TBX20: variants seen among roughly 807,000 people sequenced by gnomAD.
The protein encoded by TBX20 is T-box transcription factor TBX20.
Under a neutral mutation model 42.9 loss-of-function variants are expected in TBX20, and 8 were observed. The ratio of observed to expected loss-of-function variants is 0.19; its 90% CI spans 0.11 to 0.34. TBX20 has a LOEUF of 0.34. TBX20 is among the 10% of genes least tolerant of loss of function. The probability of loss-of-function intolerance (pLI) is 1.00; values close to 1 mark genes in which losing one functional copy is unlikely to be tolerated. For synonymous variants in TBX20, 198 were observed against 222.8 expected, an observed-to-expected ratio of 0.89 and a Z score of 0.99; for missense variants, 411 against 566.0, an observed-to-expected ratio of 0.73 and a Z score of 2.78.
chr7:35,210,812 T>C (rs888215713), intron 6 of TBX20, among the ~76,000 whole-genome samples: 4 of 152,182 alleles, frequency 2.6e-5, no homozygotes, highest in African/African-American at 9.6e-5. Context: ...GTAGGCAACA[T>C]ATAATCAGGT....
intron 6 of TBX20, among the ~76,000 whole-genome samples, chr7:35,229,056 C>G (rs1789824919): frequency 6.6e-6 from 1 of 152,170 alleles, no homozygotes; most frequent in South Asian, 2.1e-4. Context: ...TTTAGAGGTA[C>G]AGGCAAACAG....
At chr7:35,235,264 C>T (rs546396060) in intron 5 of TBX20, among the ~76,000 whole-genome samples, 1 of 146,582 alleles carries the variant, frequency 6.8e-6, no homozygotes, top group Non-Finnish European at 1.5e-5. Flanking sequence ...TGTAGTTTTA[C>T]ATCTCTTTAT....
intron 6 of TBX20, among the ~76,000 whole-genome samples, chr7:35,222,975 G>C (rs1462515058): frequency 6.6e-6 from 1 of 152,222 alleles, no homozygotes; most frequent in Non-Finnish European, 1.5e-5. Context: ...AGGCCAATAA[G>C]AGTGGAGGCA....
At chr7:35,223,698 G>A (rs1324205361) in intron 6 of TBX20, among the ~76,000 whole-genome samples, 1 of 152,138 alleles carries the variant, frequency 6.6e-6, no homozygotes, top group African/African-American at 2.4e-5. Context: ...GGTCACTGGT[G>A]ACTTTGACAA....
At chr7:35,241,228 T>G (rs894955308) in intron 4 of TBX20, among the ~76,000 whole-genome samples, 191 bp from the exon 5 acceptor site, 5 of 152,238 alleles carry the variant, frequency 3.3e-5, no homozygotes, top group African/African-American at 1.2e-4. Context: ...GTGAATCACA[T>G]TTTACCAAAA....
chr7:35,248,106 T>A (rs538185855), intron 3 of TBX20, among the ~76,000 whole-genome samples: 4 of 152,196 alleles, frequency 2.6e-5, no homozygotes, highest in Non-Finnish European at 5.9e-5. Context: ...ATTACATTCA[T>A]CCACTAAAAT....
intron 6 of TBX20, among the ~76,000 whole-genome samples, chr7:35,204,994 G>A (rs1789376723): frequency 6.6e-6 from 1 of 152,142 alleles, no homozygotes; most frequent in African/African-American, 2.4e-5. Context: ...CAAATACTCA[G>A]TTGATACAAA....
At chr7:35,232,215 T>G (rs1292972205) in intron 5 of TBX20, among the ~76,000 whole-genome samples, 1 of 152,200 alleles carries the variant, frequency 6.6e-6, no homozygotes, top group East Asian at 1.9e-4. Flanking sequence ...CCATGAAATG[T>G]TATTTATAAA....
Position 35,224,489 on chromosome 7 carries a change from A to G in TBX20, c.890+7015T>C, listed in dbSNP as rs113605499. On this transcript the variant is annotated intron_variant, in intron 6 of 7. Coordinates refer to ENST00000408931, the MANE Select transcript of TBX20 (RefSeq NM_001077653.2). ...GGAGTTCAAGACCAGACTGACCAACATGGAGAAACTCTGTCTCTACTAAAA... is the reference window on the plus strand; with the variant it reads ...GGAGTTCAAGACCAGACTGACCAACGTGGAGAAACTCTGTCTCTACTAAAA... 5.4e-4 allele frequency among the ~76,000 whole-genome samples: 82 copies of G among 152,360 alleles called. 1 individual carries two copies. The highest frequency in any genetic ancestry group is 1.7e-3 in the African/African-American group (71 of 41,592).
intron 3 of TBX20, among the ~76,000 whole-genome samples, chr7:35,246,104 C>T (rs1473872039): frequency 6.6e-6 from 1 of 152,110 alleles, no homozygotes; most frequent in African/African-American, 2.4e-5. Context: ...ATGTAAAGAA[C>T]AAGAAATCTG....
intron 4 of TBX20, 50 bp from the exon 5 acceptor site, chr7:35,241,087 A>C (rs1250743913): frequency 6.4e-7 from 1 of 1,552,668 alleles, no homozygotes; most frequent in Admixed American, 1.7e-5. Flanking sequence ...TATACTGCTA[A>C]ACAGGCCAAA....
chr7:35,209,520 T>C (rs180902158), intron 6 of TBX20, among the ~76,000 whole-genome samples: 163 of 152,276 alleles, frequency 1.1e-3, no homozygotes, highest in Non-Finnish European at 1.9e-3. Context: ...TATTATTCCT[T>C]TCATTCTTGA....
intron 6 of TBX20, among the ~76,000 whole-genome samples, chr7:35,219,244 T>C (rs1366803938): frequency 1.3e-5 from 2 of 152,134 alleles, no homozygotes; most frequent in Non-Finnish European, 2.9e-5. Context: ...AGAAAACTTT[T>C]TTCTGTAAAG....
At chr7:35,239,804 T>G (rs1790039549) in intron 5 of TBX20, among the ~76,000 whole-genome samples, 2 of 152,042 alleles carry the variant, frequency 1.3e-5, no homozygotes. Context: ...CAGGCTGGAG[T>G]GCAGTGGTGA....
intron 1 of TBX20, among the ~76,000 whole-genome samples, chr7:35,252,940 A>C (rs57013969): frequency 0.016 from 2,439 of 152,362 alleles, 65 homozygotes; most frequent in African/African-American, 0.056. Flanking sequence ...ACTGAAAATG[A>C]CGACAGTTAT....
At chr7:35,230,409 T>C (rs1454792919) in intron 6 of TBX20, among the ~76,000 whole-genome samples, 2 of 152,090 alleles carry the variant, frequency 1.3e-5, no homozygotes, top group African/African-American at 2.4e-5. Context: ...TCTCCAACTA[T>C]TTAATCTTTC....
chr7:35,224,828 T>G (rs2128712603), intron 6 of TBX20, among the ~76,000 whole-genome samples: 1 of 152,130 alleles, frequency 6.6e-6, no homozygotes, highest in East Asian at 1.9e-4. Context: ...AAGATAAAAA[T>G]TATTAATTTA....
At position 35,250,514 on chromosome 7, in the gene TBX20, G is replaced by C. The variant is rs113148662; in HGVS notation, c.128-311C>G. Among the ~76,000 whole-genome samples, 29 of 152,306 alleles carry C rather than the reference G, an allele frequency of 1.9e-4. 1 individual carries two copies. The South Asian group carries it at 4.6e-3, about 24-fold the overall frequency. ...AGAAGGGAAGGGTGATGATCATGAG[G>C]GATGAAAAGCAAATATTCCTATTGT... is the stretch of plus-strand genomic sequence containing the variant. On this transcript the variant is annotated intron_variant, in intron 1 of 7. Coordinates refer to ENST00000408931, the MANE Select transcript of TBX20 (RefSeq NM_001077653.2).
At chr7:35,219,210 T>C (rs893233074) in intron 6 of TBX20, among the ~76,000 whole-genome samples, 7 of 152,098 alleles carry the variant, frequency 4.6e-5, no homozygotes, top group Admixed American at 4.6e-4. Flanking sequence ...AGGGGAACAC[T>C]GTGGGTCAGT....
Sources: allele counts gnomAD v4.1 joint callset (sites outside exome capture counted in the v4.1 genomes callset), GRCh38; gene constraint gnomAD v4.1.1; transcripts MANE v1.5; gene names NCBI Gene and HGNC (gene_info 2026-07-23, HGNC 2026-07-21).